TTC28: variants seen among roughly 807,000 people sequenced by gnomAD.
TTC28 encodes tetratricopeptide repeat protein 28.
A neutral mutation model predicts 198.0 loss-of-function variants in TTC28; 61 were observed. The ratio of observed to expected loss-of-function variants is 0.31; its 90% CI spans 0.25 to 0.38. The LOEUF is 0.38. Ranked by LOEUF, TTC28 falls within the 10% of genes least tolerant of loss-of-function variation. TTC28 has a pLI of 1.00. For synonymous variants in TTC28, 1,171 were observed against 1,297.8 expected, an observed-to-expected ratio of 0.90 and a Z score of 2.10; for missense variants, 2,678 against 3,164.0, an observed-to-expected ratio of 0.85 and a Z score of 3.69.
chr22:28,539,976 A>C (rs2049377280), intron 2 of TTC28, among the ~76,000 whole-genome samples: 2 of 116,602 alleles, frequency 1.7e-5, no homozygotes, highest in Admixed American at 2.3e-4. Flanking sequence ...ACAGGGTCTC[A>C]CTCTGTCGCC....
intron 5 of TTC28, among the ~76,000 whole-genome samples, chr22:28,285,419 G>C (rs2044665063): frequency 6.6e-6 from 1 of 152,146 alleles, no homozygotes; most frequent in African/African-American, 2.4e-5. Flanking sequence ...TGAGGGAAAT[G>C]GGGAGATGTT....
intron 2 of TTC28, among the ~76,000 whole-genome samples, chr22:28,544,558 T>C (rs1316412633): frequency 6.6e-6 from 1 of 152,188 alleles, no homozygotes; most frequent in East Asian, 1.9e-4. Flanking sequence ...AATAAGGCTA[T>C]GACCGGCTGG....
intron 12 of TTC28, among the ~76,000 whole-genome samples, chr22:28,039,324 G>A (rs1311361072): frequency 1.3e-5 from 2 of 152,102 alleles, no homozygotes; most frequent in Non-Finnish European, 2.9e-5. Flanking sequence ...TATACACCAT[G>A]GAATACTATG....
chr22:28,567,479 CATATAT>C lies in TTC28; in HGVS notation c.381+62067_381+62072del, dbSNP rs398040471. ...CACACCACACGCATATACATACATA[CATATAT>C]ATATATATATATATATATATATATG... On this transcript the variant is annotated intron_variant, in intron 2 of 22. Coordinates refer to ENST00000397906, the MANE Select transcript of TTC28 (RefSeq NM_001145418.2). 6.4e-3 allele frequency among the ~76,000 whole-genome samples: 329 copies of C among 51,146 alleles called. 12 individuals are homozygous for C. The highest frequency in any genetic ancestry group is 0.046 in the East Asian group (48 of 1,034). 33.6% of individuals were successfully genotyped at this position (51,146 alleles called of 152,430 possible).
chr22:28,450,541 C>T (rs189992097), intron 2 of TTC28, among the ~76,000 whole-genome samples: 9 of 152,200 alleles, frequency 5.9e-5, no homozygotes, highest in African/African-American at 2.2e-4. Flanking sequence ...CAAGCACACA[C>T]ACAATATATC....
intron 2 of TTC28, among the ~76,000 whole-genome samples, chr22:28,375,644 C>G (rs2046397864): frequency 6.6e-6 from 1 of 152,148 alleles, no homozygotes; most frequent in African/African-American, 2.4e-5. Context: ...GTCAATTTGA[C>G]AAGATTACGG....
At chr22:28,151,456 C>T (rs1214944368) in intron 6 of TTC28, among the ~76,000 whole-genome samples, 1 of 152,178 alleles carries the variant, frequency 6.6e-6, no homozygotes. Flanking sequence ...AAATTTACTG[C>T]CCCGTCTTCC....
chr22:28,643,472 G>A (rs936798138), intron 1 of TTC28, among the ~76,000 whole-genome samples: 3 of 152,150 alleles, frequency 2.0e-5, no homozygotes, highest in African/African-American at 7.2e-5. Flanking sequence ...TAAATTCCCA[G>A]TCCTTGGGTC....
chr22:28,155,604 G>C (rs570020920), intron 6 of TTC28, among the ~76,000 whole-genome samples: 1 of 152,330 alleles, frequency 6.6e-6, no homozygotes, highest in African/African-American at 2.4e-5. Context: ...AAAAAGATGG[G>C]TGACAAGACA....
chr22:28,469,254 A>G (rs2048067779), intron 2 of TTC28, among the ~76,000 whole-genome samples: 1 of 152,158 alleles, frequency 6.6e-6, no homozygotes, highest in South Asian at 2.1e-4. Flanking sequence ...CAAGGCCATC[A>G]TTGTTGGTAA....
Position 28,170,789 on chromosome 22 carries a change from A to G in TTC28, c.934-7190T>C, listed in dbSNP as rs527313518. Among the ~76,000 whole-genome samples, 25 of 152,052 alleles carry G rather than the reference A, an allele frequency of 1.6e-4. 1 individual carries two copies. In the South Asian group the frequency reaches 5.2e-3, roughly 32 times the overall value. On this transcript the variant is annotated intron_variant, in intron 5 of 22. Transcript: ENST00000397906. The stretch of plus-strand genomic sequence containing the variant: ...CTTAGATTTGGATGAGTCTCAGAGG[A>G]AAAAAATGGGTGGGTTACAACCTGT...
rs534851698 is a variant in TTC28 at position 28,621,479 on chromosome 22, C to T, written c.381+8073G>A. ...ACTATAATCCCAGCACTTCAGGAGGCCAAGGCAGAAGAATCATCTGAGTCC... is the reference window on the plus strand; with the variant it reads ...ACTATAATCCCAGCACTTCAGGAGGTCAAGGCAGAAGAATCATCTGAGTCC... On this transcript the variant is annotated intron_variant, in intron 2 of 22. Coordinates refer to ENST00000397906, the MANE Select transcript of TTC28 (RefSeq NM_001145418.2). Among the ~76,000 whole-genome samples the T allele has an allele frequency of 4.0e-5, 6 of 151,594 alleles. No homozygotes were observed. In the South Asian group the frequency reaches 1.3e-3, roughly 32 times the overall value.
At chr22:28,211,677 T>C (rs922693435) in intron 5 of TTC28, among the ~76,000 whole-genome samples, 2 of 151,942 alleles carry the variant, frequency 1.3e-5, no homozygotes, top group Non-Finnish European at 2.9e-5. Flanking sequence ...CAAACAATAA[T>C]AATGAGAGAC....
chr22:28,508,773 A>G (rs985085382), intron 2 of TTC28, among the ~76,000 whole-genome samples: 1 of 152,182 alleles, frequency 6.6e-6, no homozygotes, highest in African/African-American at 2.4e-5. Context: ...AGACTCCCAC[A>G]TAAAAATAGT....
chr22:28,047,794 T>C (rs924232619), intron 12 of TTC28, among the ~76,000 whole-genome samples: 2 of 152,118 alleles, frequency 1.3e-5, no homozygotes, highest in Non-Finnish European at 2.9e-5. Context: ...CATATTCAAG[T>C]GAAGAGGAAG....
intron 2 of TTC28, among the ~76,000 whole-genome samples, chr22:28,391,601 A>G (rs1187341406): frequency 6.6e-6 from 1 of 152,008 alleles, no homozygotes; most frequent in Non-Finnish European, 1.5e-5. Context: ...TTCATCTTCC[A>G]TCGCTGATAC....
intron 2 of TTC28, among the ~76,000 whole-genome samples, chr22:28,554,916 C>A (rs2049763611): frequency 6.6e-6 from 1 of 152,038 alleles, no homozygotes. Flanking sequence ...AGTTAACAGA[C>A]AATCCACGGA....
intron 13 of TTC28, among the ~76,000 whole-genome samples, chr22:28,025,143 A>G (rs1569089751): frequency 6.6e-6 from 1 of 150,768 alleles, no homozygotes; most frequent in East Asian, 2.0e-4. Flanking sequence ...TTGTAGCAGG[A>G]AGAAGCATCA....
intron 14 of TTC28, among the ~76,000 whole-genome samples, chr22:28,003,565 T>C (rs946317352): frequency 6.6e-6 from 1 of 152,112 alleles, no homozygotes; most frequent in Non-Finnish European, 1.5e-5. Context: ...CTGTCAGATA[T>C]CATCCCACAG....
Sources: gnomAD v4.1 joint callset for allele counts (sites outside exome capture counted in the v4.1 genomes callset) on GRCh38, gnomAD v4.1.1 for gene constraint, MANE v1.5 for transcripts, NCBI Gene and HGNC (gene_info 2026-07-23, HGNC 2026-07-21) for gene names.